Variants in POU2F3 observed in about 807,000 individuals in gnomAD.
POU2F3 encodes the protein POU class 2 homeobox 3, also known as POU domain, class 2, transcription factor 3.
A neutral mutation model predicts 59.2 loss-of-function variants in POU2F3; 23 were observed. The observed-to-expected ratio is 0.39, with a 90% CI of 0.28 to 0.55. The LOEUF (loss-of-function observed/expected upper bound fraction) is 0.55, where lower values mean the gene tolerates loss of function less well. Among genes scored for constraint, POU2F3 ranks in the 20% least tolerant of loss-of-function variants. The pLI, the probability that POU2F3 is intolerant of heterozygous loss-of-function variation, is 0.66. For missense variants in POU2F3, 473 were observed against 544.5 expected (o/e 0.87, Z 1.31); for synonymous variants, 190 against 214.6 (o/e 0.89, Z 1.00).
chr11:120,248,559 C>T (rs1014477495), intron 2 of POU2F3, among the ~76,000 whole-genome samples: 2 of 152,206 alleles, frequency 1.3e-5, no homozygotes, highest in East Asian at 3.9e-4. Flanking sequence ...TGCATCAGCC[C>T]GGAAGGTTGG....
chr11:120,274,728 A>T (rs1277667579), intron 3 of POU2F3, among the ~76,000 whole-genome samples: 1 of 152,182 alleles, frequency 6.6e-6, no homozygotes, highest in Non-Finnish European at 1.5e-5. Context: ...ATCATATTAC[A>T]TGGAGTGATG....
At chr11:120,310,196 A>T (rs980362240) in intron 10 of POU2F3, among the ~76,000 whole-genome samples, 1 of 152,202 alleles carries the variant, frequency 6.6e-6, no homozygotes, top group African/African-American at 2.4e-5. Context: ...GGCTTGGCCC[A>T]GGGTGGTAGC....
chr11:120,296,039 A>G (rs898827295), intron 3 of POU2F3, among the ~76,000 whole-genome samples: 3 of 152,292 alleles, frequency 2.0e-5, no homozygotes, highest in African/African-American at 7.2e-5. Context: ...GCACTAGGGA[A>G]TTGGAATTTG....
intron 3 of POU2F3, among the ~76,000 whole-genome samples, chr11:120,282,480 AC>A (rs1037652665): frequency 6.6e-6 from 1 of 152,152 alleles, no homozygotes; most frequent in African/African-American, 2.4e-5. Context: ...ACATGGCGAA[AC>A]CCTGTCTCTA....
chr11:120,291,461 C>T (rs566114699), intron 3 of POU2F3, among the ~76,000 whole-genome samples: 1 of 152,344 alleles, frequency 6.6e-6, no homozygotes, highest in African/African-American at 2.4e-5. Context: ...CAGGTGATGT[C>T]TATATTTCCT....
At chr11:120,279,282 C>T (rs1372233572) in intron 3 of POU2F3, among the ~76,000 whole-genome samples, 2 of 152,048 alleles carry the variant, frequency 1.3e-5, no homozygotes, top group African/African-American at 4.8e-5. Flanking sequence ...GCCTCTGATT[C>T]CTCATGTGAA....
At chr11:120,237,891 G>A (rs989502315), upstream of POU2F3, among the ~76,000 whole-genome samples, 1 of 152,138 alleles carries the variant, frequency 6.6e-6, no homozygotes, top group African/African-American at 2.4e-5. Context: ...TGTCCTGAGA[G>A]GGACCCCCTT....
intron 3 of POU2F3, among the ~76,000 whole-genome samples, chr11:120,288,150 A>G (rs1012043913): frequency 7.0e-6 from 1 of 143,800 alleles, no homozygotes; most frequent in Non-Finnish European, 1.5e-5. Flanking sequence ...AAAAAAAAAC[A>G]AGAAAAAAGG....
intron 9 of POU2F3, among the ~76,000 whole-genome samples, chr11:120,307,829 C>A (rs1452095982): frequency 6.6e-6 from 1 of 152,178 alleles, no homozygotes; most frequent in Non-Finnish European, 1.5e-5. Context: ...CCTCCACTGA[C>A]CCTTCTTGCC....
chr11:120,294,063 G>T (rs1256567741), intron 3 of POU2F3, among the ~76,000 whole-genome samples: 1 of 152,180 alleles, frequency 6.6e-6, no homozygotes, highest in Non-Finnish European at 1.5e-5. Flanking sequence ...AAGGAGGGAT[G>T]CAGAAAGGGC....
At chr11:120,275,894 T>G (rs1205710819) in intron 3 of POU2F3, among the ~76,000 whole-genome samples, 1 of 152,238 alleles carries the variant, frequency 6.6e-6, no homozygotes, top group Non-Finnish European at 1.5e-5. Context: ...ATTGTTTTGT[T>G]GAATGTGACC....
chr11:120,236,684 C>T (rs537955434), upstream of POU2F3: 60 of 1,505,960 alleles, frequency 4.0e-5, no homozygotes, highest in Middle Eastern at 3.4e-4. Context: ...ATGGAGTCTC[C>T]AAGAACTGCT....
chr11:120,304,979 A>AAAAAAAAATT, intron 6 of POU2F3, 51 bp from the exon 7 acceptor site: 2 of 1,076,508 alleles, frequency 1.9e-6, no homozygotes, highest in Non-Finnish European at 2.7e-6. Context: ...AAATCAGAAA[A>AAAAAAAAATT]TGTTATTTAT....
intron 8 of POU2F3, among the ~76,000 whole-genome samples, chr11:120,306,720 G>A (rs1456344968): frequency 6.6e-6 from 1 of 152,150 alleles, no homozygotes; most frequent in East Asian, 1.9e-4. Flanking sequence ...CACTGGAGAG[G>A]GAGAAAAGGG....
chr11:120,247,016 A>G (rs373248946), intron 2 of POU2F3, among the ~76,000 whole-genome samples: 5 of 152,328 alleles, frequency 3.3e-5, no homozygotes, highest in East Asian at 1.9e-4. Context: ...AAGAAGGGAA[A>G]GGATGTCAGT....
At chr11:120,290,929 C>T (rs879933042) in intron 3 of POU2F3, among the ~76,000 whole-genome samples, 2 of 152,246 alleles carry the variant, frequency 1.3e-5, no homozygotes, top group African/African-American at 2.4e-5. Flanking sequence ...ACAGAGATTT[C>T]ATGACATTCC....
chr11:120,302,483 G>T, intron 6 of POU2F3, 115 bp downstream of exon 6: 4 of 951,986 alleles, frequency 4.2e-6, no homozygotes, highest in South Asian at 1.8e-5. Context: ...GGGGAGAGGG[G>T]ATAGCAGGGA....
chr11:120,314,395 G>A (rs534401498), intron 10 of POU2F3, among the ~76,000 whole-genome samples: 1 of 152,256 alleles, frequency 6.6e-6, no homozygotes, highest in East Asian at 1.9e-4. Flanking sequence ...AAGAAGAGTC[G>A]AATAACATCT....
chr11:120,246,924 T>C (rs546997652), intron 2 of POU2F3, among the ~76,000 whole-genome samples: 1 of 152,296 alleles, frequency 6.6e-6, no homozygotes, highest in East Asian at 1.9e-4. Context: ...GTACAAATGT[T>C]TCTCTTCCAA....
Sources: gnomAD v4.1 joint callset for allele counts (sites outside exome capture counted in the v4.1 genomes callset) on GRCh38, gnomAD v4.1.1 for gene constraint, MANE v1.5 for transcripts, NCBI Gene and HGNC (gene_info 2026-07-23, HGNC 2026-07-21) for gene names.